DAAM1: variants seen among roughly 807,000 people sequenced by gnomAD.
DAAM1 encodes disheveled-associated activator of morphogenesis 1.
Under a neutral mutation model 130.0 loss-of-function variants are expected in DAAM1, and 52 were observed. The ratio of observed to expected loss-of-function variants is 0.40; its 90% CI spans 0.32 to 0.50. The LOEUF is 0.50. Among genes scored for constraint, DAAM1 ranks in the 20% least tolerant of loss-of-function variants. The probability of loss-of-function intolerance (pLI) is 0.61; values close to 1 mark genes in which losing one functional copy is unlikely to be tolerated. For missense variants in DAAM1, 1,134 were observed against 1,303.8 expected, an observed-to-expected ratio of 0.87 and a Z score of 2.01; for synonymous variants, 452 against 444.5, an observed-to-expected ratio of 1.02 and a Z score of -0.21.
chr14:59,238,770 G>A (rs111988371), intron 1 of DAAM1, among the ~76,000 whole-genome samples: 7,917 of 151,662 alleles, frequency 0.052, 703 homozygotes, highest in African/African-American at 0.18. Context: ...TTTTTTTTGC[G>A]TCTCTAGACA....
rs1478203651 is a variant in DAAM1, at chr14:59,360,824, A to G, written c.2656A>G (p.Ile886Val). The change falls in exon 22 of 25, where the codon ATA becomes GTA. Residue 886 changes from isoleucine (I) to valine (V), a missense_variant. Around this residue, in one of 3 missense-constraint regions of DAAM1, gnomAD observed 644 missense variants for 695.9 expected, o/e 0.93. Transcript: ENST00000360909. ...KVNMTELDKE[I>V]STLRSGLKAV... ...CAGCATGACTGAGCTGGACAAAGAA[A>G]TAAGTACCTTGAGAAGTGGCTTGAA... The G allele has an allele frequency of 3.1e-6, 5 of 1,613,914 alleles. No homozygotes were observed. The African/African-American group carries it at 4.0e-5, about 13-fold the overall frequency.
At chr14:59,332,535 A>G (rs1005955089) in intron 15 of DAAM1, among the ~76,000 whole-genome samples, 1 of 152,202 alleles carries the variant, frequency 6.6e-6, no homozygotes, top group African/African-American at 2.4e-5. Context: ...CTTTTGTAAT[A>G]GTAGCAAAAA....
intron 16 of DAAM1, among the ~76,000 whole-genome samples, chr14:59,345,444 A>G (rs1460202370): frequency 6.6e-6 from 1 of 152,182 alleles, no homozygotes; most frequent in Non-Finnish European, 1.5e-5. Flanking sequence ...TGGGTTTGAG[A>G]ACATGAAATA....
In DAAM1 at chr14:59,354,282, A is replaced by C. The variant is rs1271502; in HGVS notation, c.2356+318A>C. Among the ~76,000 whole-genome samples, 7 of 152,204 alleles carry C rather than the reference A, an allele frequency of 4.6e-5. No individual in the cohort carries two copies. The South Asian group carries it at 8.3e-4, about 18-fold the overall frequency. On this transcript the variant is annotated intron_variant, in intron 19 of 24. Coordinates refer to ENST00000360909, the MANE Select transcript of DAAM1 (RefSeq NM_001270520.2). ...TCACCACGTTAGCCAGGATGGTCTC[A>C]ATCTCCTGACCTCGTGATCTGCCCA... is the stretch of plus-strand genomic sequence containing the variant.
At chr14:59,195,002 C>G (rs1432562780) in intron 1 of DAAM1, among the ~76,000 whole-genome samples, 2 of 152,190 alleles carry the variant, frequency 1.3e-5, no homozygotes, top group African/African-American at 4.8e-5. Flanking sequence ...GAAAGCTATG[C>G]CTTAACGGCA....
chr14:59,354,057 T>G (rs1297339710), intron 19 of DAAM1, 93 bp downstream of exon 19: 4 of 1,243,982 alleles, frequency 3.2e-6, no homozygotes, highest in Non-Finnish European at 3.3e-6. Context: ...AAGATCCCCT[T>G]GGTGATTTTT....
Position 59,367,459 on chromosome 14 carries a change from G to A in DAAM1, c.2857G>A (p.Glu953Lys). ...FTKAVKHFGE[E>K]AGKIQPDEFF... is the part of the protein sequence containing the mutation. ...TAAAGCAGTGAAGCACTTTGGGGAA[G>A]AGGCTGGCAAAATACAACCAGATGA... is the stretch of plus-strand genomic sequence containing the variant. Residue 953 changes from glutamate (E) to lysine (K), a missense_variant, in exon 24 of 25, where the codon GAG becomes AAG. By Grantham distance (56) the Glu-to-Lys change is moderately conservative. Transcript: ENST00000360909. 1 of 1,613,194 alleles carries A rather than the reference G, an allele frequency of 6.2e-7. No homozygotes were observed. The highest frequency in any genetic ancestry group is 8.5e-7 in the Non-Finnish European group (1 of 1,179,346).
chr14:59,330,644 C>G lies in DAAM1; in HGVS notation c.1516C>G (p.Gln506Glu). ...KETTEHKQVK[Q>E]QVADLTAQLH... The stretch of plus-strand genomic sequence containing the variant: ...GACTACTGAGCATAAGCAAGTCAAG[C>G]AGCAGGTGGCGGACCTCACAGCACA... The change falls in exon 13 of 25, where the codon CAG becomes GAG. Residue 506 changes from glutamine to glutamate, a missense_variant. Gln to Glu is a conservative substitution (Grantham distance 29, BLOSUM62 2). Around this residue, in one of 3 missense-constraint regions of DAAM1, gnomAD observed 644 missense variants for 695.9 expected, o/e 0.93. Coordinates refer to ENST00000360909, the MANE Select transcript of DAAM1 (RefSeq NM_001270520.2). 4 of 1,613,834 alleles carry G rather than the reference C, an allele frequency of 2.5e-6. No individual in the cohort carries two copies. Among genetic ancestry groups the G allele is most frequent in the Non-Finnish European group, 3.4e-6 (4 of 1,179,898 alleles).
At chr14:59,196,297 A>T (rs2139384147) in intron 1 of DAAM1, among the ~76,000 whole-genome samples, 1 of 152,338 alleles carries the variant, frequency 6.6e-6, no homozygotes, top group East Asian at 1.9e-4. Flanking sequence ...TAGATTGTTC[A>T]TATGTGCCTA....
intron 16 of DAAM1, among the ~76,000 whole-genome samples, chr14:59,346,823 T>C (rs1229603043): frequency 1.3e-5 from 2 of 152,240 alleles, no homozygotes; most frequent in Admixed American, 1.3e-4. Context: ...GTAAATCATT[T>C]ATGTTGATGG....
At chr14:59,293,841 C>G (rs368166409) in intron 3 of DAAM1, among the ~76,000 whole-genome samples, 1 of 152,178 alleles carries the variant, frequency 6.6e-6, no homozygotes, top group African/African-American at 2.4e-5. Context: ...ATTATGTTTA[C>G]CTCTCTTCAG....
chr14:59,357,887 A>G (rs189555776), intron 20 of DAAM1, among the ~76,000 whole-genome samples: 39 of 152,316 alleles, frequency 2.6e-4, no homozygotes, highest in Admixed American at 2.4e-3. Flanking sequence ...TTTTCTAACT[A>G]TTGAGAGACT....
At chr14:59,196,124 C>T (rs573139182) in intron 1 of DAAM1, among the ~76,000 whole-genome samples, 2 of 152,286 alleles carry the variant, frequency 1.3e-5, no homozygotes, top group South Asian at 4.1e-4. Context: ...GAAAGTTTGC[C>T]AAAGCCAATA....
At chr14:59,343,573 A>G (rs1885936098) in intron 16 of DAAM1, among the ~76,000 whole-genome samples, 1 of 152,244 alleles carries the variant, frequency 6.6e-6, no homozygotes, top group Non-Finnish European at 1.5e-5. Context: ...ACCACAGTGA[A>G]AGCCTGTGGC....
At chr14:59,276,291 T>A (rs949693758) in intron 2 of DAAM1, among the ~76,000 whole-genome samples, 6 of 152,336 alleles carry the variant, frequency 3.9e-5, no homozygotes, top group African/African-American at 1.2e-4. Flanking sequence ...ATAAAAATGT[T>A]TTCTGTTTAT....
At chr14:59,345,790 C>T (rs1001928175) in intron 16 of DAAM1, among the ~76,000 whole-genome samples, 1 of 152,122 alleles carries the variant, frequency 6.6e-6, no homozygotes, top group African/African-American at 2.4e-5. Context: ...TGACTGTAAT[C>T]ACTGTTAAAA....
At chr14:59,339,414 C>G (rs149322633) in intron 15 of DAAM1, among the ~76,000 whole-genome samples, 11 of 152,280 alleles carry the variant, frequency 7.2e-5, no homozygotes, top group Admixed American at 3.9e-4. Context: ...TTGGTCTGTT[C>G]CACCTGAAAT....
chr14:59,194,914 T>A (rs1847497636), intron 1 of DAAM1, among the ~76,000 whole-genome samples: 1 of 152,226 alleles, frequency 6.6e-6, no homozygotes, highest in Non-Finnish European at 1.5e-5. Context: ...ATCTTTTCCT[T>A]TTGGCTTAAA....
chr14:59,335,012 T>G (rs1201842015), intron 15 of DAAM1, among the ~76,000 whole-genome samples: 1 of 152,162 alleles, frequency 6.6e-6, no homozygotes, highest in African/African-American at 2.4e-5. Context: ...CTCTTATACT[T>G]ATTTTCTTCC....
Sources: gnomAD v4.1 joint callset for allele counts (sites outside exome capture counted in the v4.1 genomes callset) on GRCh38, gnomAD v4.1.1 for gene constraint, gnomAD v4.1.1 regional missense constraint, MANE v1.5 for transcripts, NCBI Gene and HGNC (gene_info 2026-07-23, HGNC 2026-07-21) for gene names.